The following PRELID2 variants were observed in gnomAD, a reference collection of about 807,000 sequenced individuals.
The protein encoded by PRELID2 is PRELI domain-containing protein 2.
In PRELID2, 25 loss-of-function variants were observed where a neutral mutation model predicts 28.4. The observed-to-expected ratio is 0.88, with a 90% CI of 0.64 to 1.23. The LOEUF is 1.23. Among genes scored for constraint, PRELID2 ranks in the 50% most tolerant of loss-of-function variants. The pLI is 0.00. For synonymous variants in PRELID2, 76 were observed against 71.6 expected (o/e 1.06, Z -0.31); for missense variants, 201 against 214.4 (o/e 0.94, Z 0.39).
the PRELID2 span, among the ~76,000 whole-genome samples, chr5:145,380,163 G>T: frequency 1.3e-5 from 2 of 152,126 alleles, no homozygotes; most frequent in East Asian, 3.9e-4. Flanking sequence ...TGGTTGAGGG[G>T]TCTCCTCATG....
chr5:145,288,817 G>T, the PRELID2 span, among the ~76,000 whole-genome samples: 3 of 151,952 alleles, frequency 2.0e-5, no homozygotes, highest in Non-Finnish European at 4.4e-5. Flanking sequence ...TTTTCTCATT[G>T]TATGTCTATA....
the PRELID2 span, among the ~76,000 whole-genome samples, chr5:145,435,751 T>G: frequency 6.6e-6 from 1 of 152,276 alleles, no homozygotes; most frequent in Middle Eastern, 3.4e-3. Flanking sequence ...CACCAATTTA[T>G]GTCTTGTGGG....
intron 1 of PRELID2, among the ~76,000 whole-genome samples, chr5:145,681,565 AAT>A (rs1754936751): frequency 6.6e-6 from 1 of 152,210 alleles, no homozygotes; most frequent in Admixed American, 6.5e-5. Flanking sequence ...AAATAGTGAT[AAT>A]ATTCCTTTGC....
intron 1 of PRELID2, among the ~76,000 whole-genome samples, chr5:145,599,850 A>G (rs540006886): frequency 1.2e-4 from 19 of 152,266 alleles, no homozygotes; most frequent in African/African-American, 4.6e-4. Context: ...TCAAAATGCA[A>G]ATCCCTGGGC....
At chr5:145,297,466 C>T in the PRELID2 span, among the ~76,000 whole-genome samples, 11 of 151,870 alleles carry the variant, frequency 7.2e-5, no homozygotes, top group African/African-American at 1.7e-4. Context: ...TGGGACGTAT[C>T]TCAAAATAAT....
At chr5:145,706,296 C>T (rs2149706686) in intron 1 of PRELID2, among the ~76,000 whole-genome samples, 1 of 152,310 alleles carries the variant, frequency 6.6e-6, no homozygotes, top group Admixed American at 6.5e-5. Flanking sequence ...CTGTCTGTAT[C>T]ATCACAGAAC....
At chr5:145,621,813 A>G (rs1317978777) in intron 1 of PRELID2, among the ~76,000 whole-genome samples, 1 of 152,176 alleles carries the variant, frequency 6.6e-6, no homozygotes, top group East Asian at 1.9e-4. Flanking sequence ...AATTTACTGC[A>G]TATTTTCAAT....
chr5:145,405,224 G>A, the PRELID2 span, among the ~76,000 whole-genome samples: 4 of 152,038 alleles, frequency 2.6e-5, no homozygotes, highest in South Asian at 2.1e-4. Context: ...TGGCAGAAAA[G>A]AGAAAATGTA....
At chr5:145,322,873 C>A in the PRELID2 span, among the ~76,000 whole-genome samples, 1 of 151,936 alleles carries the variant, frequency 6.6e-6, no homozygotes, top group Non-Finnish European at 1.5e-5. Flanking sequence ...CCCAGCTACT[C>A]GGGAGGCTGA....
intron 1 of PRELID2, among the ~76,000 whole-genome samples, chr5:145,730,103 T>G (rs545474019): frequency 6.6e-6 from 1 of 152,268 alleles, no homozygotes; most frequent in South Asian, 2.1e-4. Context: ...ATTTATGCCC[T>G]GGGTTTAGAT....
At chr5:145,617,026 C>T (rs1753708206) in intron 1 of PRELID2, among the ~76,000 whole-genome samples, 1 of 152,190 alleles carries the variant, frequency 6.6e-6, no homozygotes, top group Non-Finnish European at 1.5e-5. Flanking sequence ...GGTATTTCTC[C>T]CATTTGCTTT....
the PRELID2 span, among the ~76,000 whole-genome samples, chr5:145,237,104 A>G: frequency 6.6e-6 from 1 of 152,108 alleles, no homozygotes; most frequent in African/African-American, 2.4e-5. Flanking sequence ...CCTCTACCAT[A>G]AAAACTGCAT....
intron 1 of PRELID2, among the ~76,000 whole-genome samples, chr5:145,635,931 A>G (rs574921309): frequency 3.3e-5 from 5 of 152,320 alleles, no homozygotes; most frequent in African/African-American, 1.2e-4. Context: ...ACAAATTCAT[A>G]TACCTGTGAT....
the PRELID2 span, among the ~76,000 whole-genome samples, chr5:145,439,322 C>T: frequency 7.9e-5 from 12 of 152,068 alleles, no homozygotes; most frequent in Middle Eastern, 3.4e-3. Context: ...CCCATTCTGG[C>T]GCATCAGCAA....
chr5:145,663,641 T>C (rs1005849621), intron 1 of PRELID2, among the ~76,000 whole-genome samples: 11 of 152,290 alleles, frequency 7.2e-5, no homozygotes, highest in South Asian at 6.2e-4. Flanking sequence ...TAATAAGTCT[T>C]TATTAATACG....
chr5:145,329,643 T>A, the PRELID2 span, among the ~76,000 whole-genome samples: 1 of 152,220 alleles, frequency 6.6e-6, no homozygotes, highest in Non-Finnish European at 1.5e-5. Context: ...ATCCTGAGAC[T>A]ATGCTGAAGT....
the PRELID2 span, among the ~76,000 whole-genome samples, chr5:145,317,139 A>G: frequency 1.3e-5 from 2 of 152,138 alleles, no homozygotes; most frequent in African/African-American, 2.4e-5. Context: ...ACTCAGAGCA[A>G]TTTCTTGTGT....
chr5:145,540,849 G>A (rs1264545047), intron 1 of PRELID2, among the ~76,000 whole-genome samples: 2 of 151,788 alleles, frequency 1.3e-5, no homozygotes. Flanking sequence ...AGAGAAATAT[G>A]AATATATATC....
At chr5:145,403,801 C>A in the PRELID2 span, among the ~76,000 whole-genome samples, 1 of 152,132 alleles carries the variant, frequency 6.6e-6, no homozygotes, top group Non-Finnish European at 1.5e-5. Context: ...ATCCTAGCTC[C>A]AAAACCAGGT....
Sources: allele counts gnomAD v4.1 joint callset (sites outside exome capture counted in the v4.1 genomes callset), GRCh38; gene constraint gnomAD v4.1.1; transcripts MANE v1.5; gene names NCBI Gene and HGNC (gene_info 2026-07-23, HGNC 2026-07-21).